EBF1: variants seen among roughly 807,000 people sequenced by gnomAD.
EBF1 encodes EBF transcription factor 1, also known as transcription factor COE1.
In EBF1, 10 loss-of-function variants were observed where a neutral mutation model predicts 68.4. The ratio of observed to expected loss-of-function variants is 0.15; its 90% CI spans 0.09 to 0.25. The LOEUF is 0.25. EBF1 is among the 10% of genes least tolerant of loss of function. The pLI is 1.00. For missense variants in EBF1, 509 were observed against 794.4 expected (o/e 0.64, Z 4.32); for synonymous variants, 298 against 299.8 (o/e 0.99, Z 0.06).
chr5:158,892,306 T>C (rs940263028), intron 6 of EBF1, among the ~76,000 whole-genome samples: 20 of 152,046 alleles, frequency 1.3e-4, no homozygotes, highest in African/African-American at 4.8e-4. Context: ...CTAACCAACA[T>C]GGTGAAACTC....
intron 6 of EBF1, among the ~76,000 whole-genome samples, chr5:159,008,225 A>G (rs1763945951): frequency 6.6e-6 from 1 of 152,234 alleles, no homozygotes; most frequent in Non-Finnish European, 1.5e-5. Context: ...CAGGAATTCC[A>G]TGTCTAGAAA....
chr5:158,755,683 A>T (rs1769917934), intron 10 of EBF1, among the ~76,000 whole-genome samples: 1 of 152,110 alleles, frequency 6.6e-6, no homozygotes, highest in South Asian at 2.1e-4. Flanking sequence ...CTCCCACAGA[A>T]TTTTAAAAAA....
chr5:158,744,250 A>C (rs1357513654), intron 10 of EBF1, among the ~76,000 whole-genome samples: 1 of 152,072 alleles, frequency 6.6e-6, no homozygotes, highest in Non-Finnish European at 1.5e-5. Flanking sequence ...ATGTGAAAAG[A>C]GAACCCAGGG....
rs34498854 is a variant in EBF1 at position 158,864,223 on chromosome 5, C to CAAA, written c.555-24116_555-24114dup. On this transcript the variant is annotated intron_variant, in intron 6 of 15. Transcript: ENST00000313708. ...TGGGTGACAGAGCAAGACTCTGTCT[C>CAAA]AAAAAAAAAAAAAAAAAAAAAAAAA... 2.4e-3 allele frequency among the ~76,000 whole-genome samples: 141 copies of CAAA among 58,592 alleles called. 8 individuals are homozygous for CAAA. The highest frequency in any genetic ancestry group is 6.9e-3 in the African/African-American group (125 of 18,206). 38.4% of individuals were successfully genotyped at this position (58,592 alleles called of 152,430 possible).
chr5:159,073,387 G>T lies in EBF1; in HGVS notation c.554+9C>A. The T allele has an allele frequency of 6.2e-7, 1 of 1,613,574 alleles. No homozygotes were observed. Among genetic ancestry groups the T allele is most frequent in the Admixed American group, 1.7e-5 (1 of 60,010 alleles). ...AATAAGAATCCAGTGAAAGAAGAGT[G>T]GTCCCTACCTGTCAATTATCACTGG... On this transcript the variant is annotated intron_variant, in intron 6 of 15. Coordinates refer to ENST00000313708, the MANE Select transcript of EBF1 (RefSeq NM_024007.5).
At chr5:158,759,136 G>A (rs1379347686) in intron 10 of EBF1, among the ~76,000 whole-genome samples, 1 of 152,188 alleles carries the variant, frequency 6.6e-6, no homozygotes, top group East Asian at 1.9e-4. Context: ...AATATTCACA[G>A]TTTAAGACTC....
At chr5:158,712,439 C>T (rs918987468) in intron 13 of EBF1, 106 bp from the exon 14 acceptor site, 1 of 1,297,956 alleles carries the variant, frequency 7.7e-7, no homozygotes, top group Non-Finnish European at 1.1e-6. Flanking sequence ...GTCGCCGCAA[C>T]CCAGAGGGAA....
intron 10 of EBF1, among the ~76,000 whole-genome samples, chr5:158,772,877 T>C (rs1227600232): frequency 1.3e-5 from 2 of 152,156 alleles, no homozygotes; most frequent in Admixed American, 6.5e-5. Flanking sequence ...AAACTTTACA[T>C]ATGTTTCCCT....
At chr5:158,726,847 C>T (rs1035232629) in intron 11 of EBF1, among the ~76,000 whole-genome samples, 6 of 152,204 alleles carry the variant, frequency 3.9e-5, no homozygotes, top group East Asian at 1.9e-4. Context: ...AGTTTTCCCG[C>T]GTGCTAGCTG....
intron 10 of EBF1, among the ~76,000 whole-genome samples, chr5:158,750,186 G>A (rs1294190894): frequency 2.0e-5 from 3 of 152,086 alleles, no homozygotes; most frequent in African/African-American, 2.4e-5. Flanking sequence ...TCAAAGCATC[G>A]TAGTTGTCAT....
At chr5:159,087,411 C>CAT (rs1780902686) in intron 4 of EBF1, among the ~76,000 whole-genome samples, 1 of 140,780 alleles carries the variant, frequency 7.1e-6, no homozygotes, top group Admixed American at 7.1e-5. Flanking sequence ...TATACACACA[C>CAT]ATATATACAT....
chr5:158,769,436 G>A (rs1042424484), intron 10 of EBF1, among the ~76,000 whole-genome samples: 7 of 152,094 alleles, frequency 4.6e-5, no homozygotes, highest in African/African-American at 1.7e-4. Context: ...GGCTACTCAA[G>A]TCCTGATTAC....
intron 4 of EBF1, among the ~76,000 whole-genome samples, chr5:159,087,275 C>T (rs1379162014): frequency 6.9e-6 from 1 of 144,850 alleles, no homozygotes; most frequent in Non-Finnish European, 1.5e-5. Flanking sequence ...TATACACACA[C>T]ACATATATAT....
At chr5:158,743,420 A>T (rs1766862611) in intron 10 of EBF1, among the ~76,000 whole-genome samples, 1 of 152,218 alleles carries the variant, frequency 6.6e-6, no homozygotes, top group South Asian at 2.1e-4. Flanking sequence ...CATAAGTAAC[A>T]GTATTGGCCT....
chr5:158,917,599 G>A (rs976429696), intron 6 of EBF1, among the ~76,000 whole-genome samples: 3 of 152,160 alleles, frequency 2.0e-5, no homozygotes, highest in African/African-American at 7.2e-5. Context: ...ACCGTAAGTG[G>A]CACATCAAAC....
intron 6 of EBF1, among the ~76,000 whole-genome samples, chr5:159,067,673 A>G (rs1352468667): frequency 1.3e-5 from 2 of 152,150 alleles, no homozygotes; most frequent in Non-Finnish European, 2.9e-5. Context: ...GGCTCATCTC[A>G]TATTCAGAAT....
At chr5:158,920,656 G>T (rs1460752382) in intron 6 of EBF1, among the ~76,000 whole-genome samples, 1 of 152,030 alleles carries the variant, frequency 6.6e-6, no homozygotes, top group Non-Finnish European at 1.5e-5. Flanking sequence ...ATAGCTCACT[G>T]CAGCCTGCAA....
At chr5:158,933,065 T>A (rs1333570887) in intron 6 of EBF1, among the ~76,000 whole-genome samples, 1 of 152,226 alleles carries the variant, frequency 6.6e-6, no homozygotes, top group African/African-American at 2.4e-5. Flanking sequence ...AAGGCTCAGT[T>A]CATTTACTCT....
intron 6 of EBF1, among the ~76,000 whole-genome samples, chr5:158,954,662 T>A (rs1022718435): frequency 2.6e-5 from 4 of 152,214 alleles, no homozygotes; most frequent in Non-Finnish European, 5.9e-5. Flanking sequence ...CTGTTACCAA[T>A]GCGGTCAGTA....
Sources: allele counts gnomAD v4.1 joint callset (sites outside exome capture counted in the v4.1 genomes callset), GRCh38; gene constraint gnomAD v4.1.1; transcripts MANE v1.5; gene names NCBI Gene and HGNC (gene_info 2026-07-23, HGNC 2026-07-21).